FAT3: variants seen among roughly 807,000 people sequenced by gnomAD.
FAT3 encodes the protein FAT atypical cadherin 3.
A neutral mutation model predicts 310.2 loss-of-function variants in FAT3; 95 were observed. The observed-to-expected ratio is 0.31, with a 90% CI of 0.26 to 0.36. The LOEUF (loss-of-function observed/expected upper bound fraction) is 0.36. Among genes scored for constraint, FAT3 ranks in the 10% least tolerant of loss-of-function variants. FAT3 has a pLI of 1.00. For missense variants in FAT3, 5,408 were observed against 5,715.6 expected (o/e 0.95, Z 1.74); for synonymous variants, 2,314 against 2,192.9 (o/e 1.06, Z -1.54).
intron 1 of FAT3, among the ~76,000 whole-genome samples, chr11:92,255,292 TA>T: frequency 6.6e-6 from 1 of 151,640 alleles, no homozygotes. Flanking sequence ...AACTTTAGTT[TA>T]AAAATGTTTT....
chr11:92,447,085 T>A (rs1472078288), intron 2 of FAT3, among the ~76,000 whole-genome samples: 2 of 152,172 alleles, frequency 1.3e-5, no homozygotes, highest in Admixed American at 1.3e-4. Context: ...AAGTGTTGAT[T>A]GAATGTAGCC....
chr11:92,470,361 A>G (rs1279727477), intron 2 of FAT3, among the ~76,000 whole-genome samples: 4 of 152,194 alleles, frequency 2.6e-5, no homozygotes, highest in African/African-American at 9.7e-5. Flanking sequence ...CAGTTATATA[A>G]TGTATACTTT....
chr11:92,294,104 T>C (rs908787620), intron 1 of FAT3, among the ~76,000 whole-genome samples: 2 of 152,008 alleles, frequency 1.3e-5, no homozygotes, highest in South Asian at 2.1e-4. Flanking sequence ...AAATCAAGGT[T>C]TGGGCCTATT....
At chr11:92,569,218 T>C (rs77807066) in intron 3 of FAT3, among the ~76,000 whole-genome samples, 1,862 of 152,306 alleles carry the variant, frequency 0.012, 45 homozygotes, top group African/African-American at 0.042. Context: ...TTATGTTACT[T>C]AACCTCTTTG....
chr11:92,511,807 G>T (rs1323819019), intron 2 of FAT3, among the ~76,000 whole-genome samples: 1 of 152,144 alleles, frequency 6.6e-6, no homozygotes, highest in Non-Finnish European at 1.5e-5. Context: ...CCTCCAATTT[G>T]CCTGGTTCCA....
intron 4 of FAT3, among the ~76,000 whole-genome samples, chr11:92,734,425 A>G (rs1055707243): frequency 2.6e-5 from 4 of 152,226 alleles, no homozygotes; most frequent in Admixed American, 2.0e-4. Flanking sequence ...GTTAAGCACT[A>G]GAAGAAGCAG....
Position 92,370,324 on chromosome 11 carries a change from A to G in FAT3, c.3292+14920A>G, listed in dbSNP as rs151098485. Among the ~76,000 whole-genome samples the G allele has an allele frequency of 1.4e-3, 215 of 152,324 alleles. 1 individual carries two copies. Among genetic ancestry groups the G allele is most frequent in the African/African-American group, 4.6e-3 (191 of 41,570 alleles). ...ACCATGATTCTTAAAAAGAAACATT[A>G]TTTTGAGGTTGGCTTTGAAAGGAAA... On this transcript the variant is annotated intron_variant, in intron 2 of 27. Coordinates refer to ENST00000525166, the MANE Select transcript of FAT3 (RefSeq NM_001367949.2).
intron 1 of FAT3, among the ~76,000 whole-genome samples, chr11:92,347,706 G>C (rs1214728382): frequency 6.6e-6 from 1 of 152,142 alleles, no homozygotes; most frequent in Non-Finnish European, 1.5e-5. Flanking sequence ...GGGCAGGATG[G>C]GGAGGCACAC....
chr11:92,516,950 A>G (rs1953506507), intron 2 of FAT3, among the ~76,000 whole-genome samples: 1 of 152,198 alleles, frequency 6.6e-6, no homozygotes, highest in Admixed American at 6.5e-5. Context: ...CTTCAAGGAG[A>G]AGTACACACC....
intron 2 of FAT3, among the ~76,000 whole-genome samples, chr11:92,437,976 A>T (rs549228952): frequency 2.6e-5 from 4 of 152,274 alleles, no homozygotes; most frequent in African/African-American, 9.6e-5. Context: ...CATACAAGAG[A>T]GAAAGGCCCT....
At chr11:92,496,003 T>A (rs1007847749) in intron 2 of FAT3, among the ~76,000 whole-genome samples, 1 of 152,118 alleles carries the variant, frequency 6.6e-6, no homozygotes, top group African/African-American at 2.4e-5. Flanking sequence ...TTTTCTGTAG[T>A]GTTGATCCAT....
intron 3 of FAT3, among the ~76,000 whole-genome samples, chr11:92,648,373 G>A (rs1467607025): frequency 6.6e-6 from 1 of 152,110 alleles, no homozygotes; most frequent in African/African-American, 2.4e-5. Context: ...TTACCTTTGG[G>A]GGTGTGCTGT....
intron 3 of FAT3, among the ~76,000 whole-genome samples, chr11:92,635,779 A>C (rs948061800): frequency 6.6e-6 from 1 of 152,238 alleles, no homozygotes; most frequent in African/African-American, 2.4e-5. Flanking sequence ...TCTTTTTGTT[A>C]AGGGAAGATT....
chr11:92,571,894 C>G (rs1955675554), intron 3 of FAT3, among the ~76,000 whole-genome samples: 1 of 152,208 alleles, frequency 6.6e-6, no homozygotes, highest in Admixed American at 6.5e-5. Context: ...CAAGGGCATT[C>G]AGGGATGTAG....
At chr11:92,758,874 C>A (rs191894594) in intron 4 of FAT3, among the ~76,000 whole-genome samples, 1 of 151,942 alleles carries the variant, frequency 6.6e-6, no homozygotes, top group Non-Finnish European at 1.5e-5. Flanking sequence ...CTAGTGTGCA[C>A]CAGTGTGTGA....
intron 2 of FAT3, among the ~76,000 whole-genome samples, chr11:92,437,041 G>A (rs181063676): frequency 1.5e-3 from 225 of 152,238 alleles, no homozygotes; most frequent in African/African-American, 5.0e-3. Context: ...TGATCCCTGA[G>A]TAGTAATAGC....
At chr11:92,784,536 G>A (rs575562378) in intron 7 of FAT3, among the ~76,000 whole-genome samples, 2 of 152,290 alleles carry the variant, frequency 1.3e-5, no homozygotes, top group African/African-American at 4.8e-5. Flanking sequence ...TGCAAAACCC[G>A]AAGTGTTTGT....
rs142641820 is a variant in FAT3 at position 92,325,138 on chromosome 11, G to A, written c.-17-26958G>A. Among the ~76,000 whole-genome samples the A allele has an allele frequency of 2.3e-3, 357 of 152,308 alleles. 2 individuals carry two copies. The highest frequency in any genetic ancestry group is 3.1e-3 in the African/African-American group (128 of 41,576). On this transcript the variant is annotated intron_variant, in intron 1 of 27. Transcript: ENST00000525166. ...AGGTGAGACTCATACAGCATGTGAAGTCATTAAGGTACAATTATGACAAGC... is the reference window on the plus strand; with the variant it reads ...AGGTGAGACTCATACAGCATGTGAAATCATTAAGGTACAATTATGACAAGC...
intron 3 of FAT3, among the ~76,000 whole-genome samples, chr11:92,605,617 G>A (rs1377310888): frequency 6.6e-6 from 1 of 151,622 alleles, no homozygotes; most frequent in Non-Finnish European, 1.5e-5. Flanking sequence ...CTCTGAGAGG[G>A]ACAAATGGAA....
Sources: allele counts gnomAD v4.1 joint callset (sites outside exome capture counted in the v4.1 genomes callset), GRCh38; gene constraint gnomAD v4.1.1; transcripts MANE v1.5; gene names NCBI Gene and HGNC (gene_info 2026-07-23, HGNC 2026-07-21).